Variants in GABRG2 observed in about 807,000 individuals in gnomAD.
GABRG2 encodes the protein gamma-aminobutyric acid type A receptor subunit gamma2, also known as gamma-aminobutyric acid receptor subunit gamma-2.
GABRG2 carries 16 observed loss-of-function variants against 56.4 expected under a neutral mutation model. That is an observed-to-expected ratio of 0.28 (90% CI 0.19 to 0.43). GABRG2 has a LOEUF of 0.43. Ranked by LOEUF, GABRG2 falls within the 20% of genes least tolerant of loss-of-function variation. GABRG2 has a pLI of 1.00. For synonymous variants in GABRG2, 208 were observed against 205.5 expected, an observed-to-expected ratio of 1.01 and a Z score of -0.10; for missense variants, 327 against 582.7, an observed-to-expected ratio of 0.56 and a Z score of 4.52.
intron 6 of GABRG2, among the ~76,000 whole-genome samples, chr5:162,130,366 T>C (rs957687166): frequency 2.6e-5 from 4 of 151,940 alleles, no homozygotes; most frequent in African/African-American, 9.7e-5. Flanking sequence ...TGCAGTTGCC[T>C]GAATTTGAAC....
chr5:162,152,928 C>T, intron 9 of GABRG2, 165 bp from the exon 10 acceptor site: 1 of 809,678 alleles, frequency 1.2e-6, no homozygotes. Flanking sequence ...TGCAAATGTG[C>T]TATCTTTCTA....
At chr5:162,112,625 C>T (rs781350932) in intron 6 of GABRG2, among the ~76,000 whole-genome samples, 3 of 152,088 alleles carry the variant, frequency 2.0e-5, no homozygotes, top group Non-Finnish European at 4.4e-5. Flanking sequence ...CAGCAAATAG[C>T]AATAAGGAAA....
intron 6 of GABRG2, among the ~76,000 whole-genome samples, chr5:162,136,294 A>G (rs1433711497): frequency 6.6e-6 from 1 of 152,192 alleles, no homozygotes; most frequent in Non-Finnish European, 1.5e-5. Context: ...TCCATGATGA[A>G]GGAACTGCTC....
intron 6 of GABRG2, among the ~76,000 whole-genome samples, chr5:162,112,648 T>A (rs1180264043): frequency 6.6e-6 from 1 of 152,218 alleles, no homozygotes; most frequent in Non-Finnish European, 1.5e-5. Context: ...GTATTCTTTT[T>A]AAAATATTTT....
intron 5 of GABRG2, chr5:162,103,004 G>T: frequency 6.5e-6 from 1 of 153,538 alleles, no homozygotes; most frequent in Non-Finnish European, 1.5e-5. Flanking sequence ...AGTATTATTA[G>T]TAGACAAACT....
At chr5:162,070,638 A>G (rs910756021) in intron 1 of GABRG2, among the ~76,000 whole-genome samples, 2 of 151,980 alleles carry the variant, frequency 1.3e-5, no homozygotes, top group East Asian at 3.9e-4. Flanking sequence ...AAAGTGAAAC[A>G]AAGAGAAAAA....
chr5:162,076,137 G>A (rs1269803108), intron 1 of GABRG2, among the ~76,000 whole-genome samples: 1 of 152,136 alleles, frequency 6.6e-6, no homozygotes, highest in African/African-American at 2.4e-5. Context: ...GGGTGACAGA[G>A]TGAGACCCCG....
At chr5:162,108,217 A>G (rs1022168250) in intron 6 of GABRG2, among the ~76,000 whole-genome samples, 2 of 152,092 alleles carry the variant, frequency 1.3e-5, no homozygotes, top group Non-Finnish European at 2.9e-5. Flanking sequence ...TCTTAATCAC[A>G]ACACTATTTG....
At chr5:162,074,252 T>C (rs1758906983) in intron 1 of GABRG2, among the ~76,000 whole-genome samples, 1 of 152,020 alleles carries the variant, frequency 6.6e-6, no homozygotes, top group Admixed American at 6.6e-5. Flanking sequence ...TAATTCTATA[T>C]TATTATAAAA....
intron 1 of GABRG2, among the ~76,000 whole-genome samples, chr5:162,069,562 CAA>C (rs1443803066): frequency 7.9e-5 from 12 of 152,136 alleles, no homozygotes; most frequent in Admixed American, 1.3e-4. Context: ...CCAGGCAAAA[CAA>C]AGAGTGAAAG....
chr5:162,125,869 A>G (rs1020560505), intron 6 of GABRG2, among the ~76,000 whole-genome samples: 5 of 151,950 alleles, frequency 3.3e-5, no homozygotes, highest in Non-Finnish European at 7.4e-5. Context: ...ATGCTAGAGT[A>G]TAAGAGTATA....
Position 162,093,859 on chromosome 5 carries a change from G to A in GABRG2, c.139G>A (p.Glu47Lys). ...TAGCCAGAAATCTGATGATGACTAT[G>A]AAGATTATGCTTCTAACAAAACATG... is the stretch of plus-strand genomic sequence containing the variant. The part of the protein sequence containing the change: ...FTSQKSDDDY[E>K]DYASNKTWVL... Residue 47 changes from glutamate to lysine, a missense_variant, in exon 2 of 10, where the codon GAA becomes AAA. This residue lies in a region of GABRG2 where 73 missense variants were observed against 72.2 expected (regional missense o/e 1.01). Coordinates refer to ENST00000639213, the MANE Select transcript of GABRG2 (RefSeq NM_198904.4). The A allele has an allele frequency of 6.2e-7, 1 of 1,613,166 alleles. No homozygotes were observed. The highest frequency in any genetic ancestry group is 8.5e-7 in the Non-Finnish European group (1 of 1,179,448).
intron 6 of GABRG2, among the ~76,000 whole-genome samples, chr5:162,109,420 A>ATATTTATTTATT (rs1554098575): frequency 0.012 from 1,388 of 115,740 alleles, 21 homozygotes; most frequent in Middle Eastern, 0.019. Context: ...ATATATATAT[A>ATATTTATTTATT]TATTTATTTA....
chr5:162,150,364 CT>C (rs1440199942), intron 8 of GABRG2: 13 of 152,226 alleles, frequency 8.5e-5, no homozygotes, highest in African/African-American at 3.1e-4. Context: ...CCTGGATTGA[CT>C]TCAGTGCCAC....
intron 2 of GABRG2, among the ~76,000 whole-genome samples, chr5:162,095,279 T>A (rs1285070403): frequency 6.6e-6 from 1 of 152,162 alleles, no homozygotes; most frequent in Non-Finnish European, 1.5e-5. Flanking sequence ...TTCAAAACTC[T>A]ACTATGCGTG....
At chr5:162,124,555 TG>T (rs1335985269) in intron 6 of GABRG2, among the ~76,000 whole-genome samples, 1 of 151,706 alleles carries the variant, frequency 6.6e-6, no homozygotes, top group East Asian at 1.9e-4. Context: ...TTTTGTTTTT[TG>T]ATTTTGTTTG....
intron 3 of GABRG2, among the ~76,000 whole-genome samples, chr5:162,097,425 C>G (rs182624949): frequency 6.6e-6 from 1 of 152,274 alleles, no homozygotes. Context: ...CTCACTTAGA[C>G]AGATCTACTT....
At chr5:162,152,318 A>C (rs1426736795) in intron 9 of GABRG2, 2 of 287,658 alleles carry the variant, frequency 7.0e-6, no homozygotes, top group African/African-American at 4.5e-5. Flanking sequence ...ATTCAAATAT[A>C]ATAGCTGATT....
intron 1 of GABRG2, among the ~76,000 whole-genome samples, chr5:162,090,791 C>T (rs1006370143): frequency 1.3e-5 from 2 of 152,016 alleles, no homozygotes; most frequent in Non-Finnish European, 2.9e-5. Flanking sequence ...GCCAGAAGTT[C>T]AAATATGTTT....
Sources: gnomAD v4.1 joint callset for allele counts (sites outside exome capture counted in the v4.1 genomes callset) on GRCh38, gnomAD v4.1.1 for gene constraint, gnomAD v4.1.1 regional missense constraint, MANE v1.5 for transcripts, NCBI Gene and HGNC (gene_info 2026-07-23, HGNC 2026-07-21) for gene names.